The following PTPN21 variants were observed in gnomAD, a reference collection of about 807,000 sequenced individuals.
PTPN21 encodes the protein tyrosine-protein phosphatase non-receptor type 21.
PTPN21 carries 77 observed loss-of-function variants against 131.8 expected under a neutral mutation model. The ratio of observed to expected loss-of-function variants is 0.58; its 90% CI spans 0.49 to 0.71. The LOEUF is 0.71. PTPN21 is among the 30% of genes least tolerant of loss of function. The pLI, the probability that PTPN21 is intolerant of heterozygous loss-of-function variation, is 0.00. For synonymous variants in PTPN21, 715 were observed against 621.3 expected (o/e 1.15, Z -2.24); for missense variants, 1,552 against 1,527.1 (o/e 1.02, Z -0.27).
chr14:88,479,279 C>A lies in PTPN21; in HGVS notation c.2152G>T (p.Asp718Tyr). 1 of 1,613,066 alleles carries A rather than the reference C, an allele frequency of 6.2e-7. No homozygotes were observed. The highest frequency in any genetic ancestry group is 8.5e-7 in the Non-Finnish European group (1 of 1,179,360). Residue 718 changes from aspartate to tyrosine, a missense_variant, in exon 13 of 19, where the codon GAC becomes TAC. By Grantham distance (160) the Asp-to-Tyr change is radical. This residue lies in a region of PTPN21 where 1,016 missense variants were observed against 883.5 expected (regional missense o/e 1.15). Coordinates refer to ENST00000556564, the MANE Select transcript of PTPN21 (RefSeq NM_007039.4). The part of the protein sequence containing the change: ...IHSSEEEEDE[D>Y]FEEESGARAP... ...CGGGCCCCGCTCTCCTCCTCGAAGTCCTCGTCCTCCTCCTCCTCGCTGCTG... is the reference window on the plus strand; with the variant it reads ...CGGGCCCCGCTCTCCTCCTCGAAGTACTCGTCCTCCTCCTCCTCGCTGCTG...
In PTPN21 at chr14:88,469,536, A is replaced by G. The variant is rs754771206; in HGVS notation, c.3198T>C (p.Pro1066=). The G allele has an allele frequency of 1.2e-6, 2 of 1,614,200 alleles. No homozygotes were observed. Among genetic ancestry groups the G allele is most frequent in the South Asian group, 2.2e-5 (2 of 91,086 alleles). ...TVWHLQYTDW[P]EHGCPEDLKG... is the part of the protein sequence containing the mutation. ...TGAGGTCTTCTGGACAGCCATGTTC[A>G]GGCCAGTCTGTGTATTGGAGGTGCC... The change falls in exon 17 of 19, where the codon CCT becomes CCC. Residue 1066 remains proline, a synonymous_variant. Transcript: ENST00000556564. The surrounding 1 kb of genome is among the most constrained non-coding windows in gnomAD (Gnocchi z 4.3).
intron 10 of PTPN21, among the ~76,000 whole-genome samples, chr14:88,486,512 T>C (rs1431800023): frequency 6.6e-6 from 1 of 152,060 alleles, no homozygotes; most frequent in African/African-American, 2.4e-5. Flanking sequence ...GACCCCATCT[T>C]TTAAAAAACT....
At position 88,479,882 on chromosome 14, in the gene PTPN21, T is replaced by C; in HGVS notation, c.1549A>G (p.Ser517Gly). 1 of 1,586,274 alleles carries C rather than the reference T, an allele frequency of 6.3e-7. No individual in the cohort carries two copies. Residue 517 changes from serine (S) to glycine (G), a missense_variant, in exon 13 of 19, where the codon AGC (serine) becomes GGC (glycine). Around this residue, in one of 4 missense-constraint regions of PTPN21, gnomAD observed 1,016 missense variants for 883.5 expected, o/e 1.15. Transcript: ENST00000556564. ...GGGTAGGGAGACGGGCTGTGGAAGC[T>C]GTAGCTCAGGCTGAACGGGCAGTGT... ...AAHCPFSLSY[S>G]FHSPSPYPYP... is the part of the protein sequence containing the mutation.
chr14:88,534,226 A>AGGGGGG (rs1303795971), intron 2 of PTPN21, among the ~76,000 whole-genome samples: 1 of 108,528 alleles, frequency 9.2e-6, no homozygotes, highest in African/African-American at 3.6e-5. Flanking sequence ...ATTAAAAAAA[A>AGGGGGG]GGGGGGGCGG....
At chr14:88,548,712 A>G (rs1274531756) in intron 2 of PTPN21, among the ~76,000 whole-genome samples, 1 of 152,186 alleles carries the variant, frequency 6.6e-6, no homozygotes, top group African/African-American at 2.4e-5. Flanking sequence ...TGGAATAACC[A>G]GTTTCTCTAA....
intron 12 of PTPN21, among the ~76,000 whole-genome samples, chr14:88,480,914 G>C (rs553140686): frequency 2.0e-5 from 3 of 152,340 alleles, no homozygotes; most frequent in African/African-American, 4.8e-5. Flanking sequence ...CAGAAGCCAA[G>C]AGGAGCCACA....
intron 2 of PTPN21, among the ~76,000 whole-genome samples, chr14:88,548,700 G>T (rs1182590645): frequency 6.6e-6 from 1 of 152,124 alleles, no homozygotes; most frequent in African/African-American, 2.4e-5. Context: ...TGACTTTTTA[G>T]GTGGAATAAC....
In PTPN21 at chr14:88,485,834, T is replaced by C. The variant is rs1451081269; in HGVS notation, c.941A>G (p.Gln314Arg). The C allele has an allele frequency of 6.2e-7, 1 of 1,604,918 alleles. No individual in the cohort carries two copies. The highest frequency in any genetic ancestry group is 1.1e-5 in the South Asian group (1 of 90,526). The change falls in exon 11 of 19, where the codon CAG (glutamine) becomes CGG (arginine). Residue 314 changes from glutamine (Q) to arginine (R), a missense_variant. By Grantham distance (43) the Gln-to-Arg change is conservative. Around this residue, in one of 4 missense-constraint regions of PTPN21, gnomAD observed 1,016 missense variants for 883.5 expected, o/e 1.15. Transcript: ENST00000556564. ...CCTGATTGGGTTCACTGTGACAGTC[T>C]GAGTTTGCCTATAAAATAGGATGAC... ...YRLNQCNLQT[Q>R]TVTVNPIRRR...
chr14:88,516,342 C>A (rs929508717), intron 3 of PTPN21, among the ~76,000 whole-genome samples: 23 of 151,080 alleles, frequency 1.5e-4, no homozygotes, highest in African/African-American at 5.1e-4. Context: ...GATGAAAGGG[C>A]GTGCAGCATG....
At position 88,468,963 on chromosome 14, in the gene PTPN21, C is replaced by G. The variant is rs574357713; in HGVS notation, c.3349G>C (p.Val1117Leu). 3.7e-6 allele frequency: 6 copies of G among 1,614,190 alleles called. No individual in the cohort carries two copies. Among genetic ancestry groups the G allele is most frequent in the Non-Finnish European group, 5.1e-6 (6 of 1,180,018 alleles). ...ATCATGATCTCCGACAAAATCACCA[C>G]GCCAGTCCTTCCTACCCCAGCACTG... Reference protein sequence around the residue: ...HCSAGVGRTGVVILSEIMIAC... With the variant: ...HCSAGVGRTGLVILSEIMIAC... Residue 1117 changes from valine (V) to leucine (L), a missense_variant, in exon 18 of 19, where the codon GTG becomes CTG. Around this residue, in one of 4 missense-constraint regions of PTPN21, gnomAD observed 316 missense variants for 378.5 expected, o/e 0.83. Coordinates refer to ENST00000556564, the MANE Select transcript of PTPN21 (RefSeq NM_007039.4).
intron 13 of PTPN21, among the ~76,000 whole-genome samples, chr14:88,474,140 AAAAAAAAAAAAAAAAC>A (rs1404899337): frequency 2.8e-5 from 4 of 140,908 alleles, no homozygotes; most frequent in Non-Finnish European, 1.5e-5. Context: ...CCAAAAAAAA[AAAAAAAAAAAAAAAAC>A]AAAAGCTTTA....
At chr14:88,512,589 T>G (rs1393689170) in intron 3 of PTPN21, 1 of 152,238 alleles carries the variant, frequency 6.6e-6, no homozygotes, top group Admixed American at 6.5e-5. Context: ...TCCTGAAAAC[T>G]AATCATTAGA....
intron 14 of PTPN21, 57 bp downstream of exon 14, chr14:88,473,608 G>A (rs1184884584): frequency 3.2e-5 from 50 of 1,550,996 alleles, no homozygotes; most frequent in African/African-American, 4.2e-5. Flanking sequence ...AGGCATTTGC[G>A]TAGTATTTAC....
In PTPN21 at chr14:88,529,447, A is replaced by T. The variant is rs1413168558; in HGVS notation, c.181-12186T>A. Among the ~76,000 whole-genome samples, 4 of 152,276 alleles carry T rather than the reference A, an allele frequency of 2.6e-5. No homozygotes were observed. The East Asian group carries it at 5.8e-4, about 22-fold the overall frequency. On this transcript the variant is annotated intron_variant, in intron 2 of 18. Transcript: ENST00000556564. ...TAGCCTTTTTTGGAACAAAGCCTCC[A>T]AGAAATTTTAGATTATGTTAAATGA...
chr14:88,494,352 CTG>C (rs2077870638), intron 10 of PTPN21, among the ~76,000 whole-genome samples: 1 of 152,164 alleles, frequency 6.6e-6, no homozygotes, highest in Non-Finnish European at 1.5e-5. Flanking sequence ...AAGGACCACA[CTG>C]TGTATGGCCT....
intron 12 of PTPN21, 41 bp downstream of exon 12, chr14:88,485,035 G>C (rs1325686581): frequency 6.7e-7 from 1 of 1,492,726 alleles, no homozygotes; most frequent in Non-Finnish European, 9.3e-7. Flanking sequence ...TTTATCCATA[G>C]TCATAACTAT....
intron 7 of PTPN21, 41 bp from the exon 8 acceptor site, chr14:88,500,912 A>C: frequency 7.1e-7 from 1 of 1,413,160 alleles, no homozygotes; most frequent in Non-Finnish European, 1.0e-6. Context: ...CAGGAAGCAG[A>C]TGCAGAGGAA....
intron 2 of PTPN21, among the ~76,000 whole-genome samples, chr14:88,535,319 CCT>C (rs1344792918): frequency 6.6e-6 from 1 of 152,106 alleles, no homozygotes; most frequent in African/African-American, 2.4e-5. Context: ...AGAACATTTC[CCT>C]GTCCTTAAGT....
At chr14:88,480,404 A>C (rs2077636527) in intron 12 of PTPN21, 52 bp from the exon 13 acceptor site, 5 of 1,370,632 alleles carry the variant, frequency 3.6e-6, no homozygotes, top group African/African-American at 1.4e-5. Context: ...TAATTACTCC[A>C]ACCAAATACT....
Sources: gnomAD v4.1 joint callset for allele counts (sites outside exome capture counted in the v4.1 genomes callset) on GRCh38, gnomAD v4.1.1 for gene constraint, gnomAD v4.1.1 regional missense constraint, Gnocchi (gnomAD v3.1) non-coding constraint, MANE v1.5 for transcripts, NCBI Gene and HGNC (gene_info 2026-07-23, HGNC 2026-07-21) for gene names.